Variants in GPC5 observed in about 807,000 individuals in gnomAD.
GPC5 encodes the protein glypican 5.
In GPC5, 47 loss-of-function variants were observed where a neutral mutation model predicts 53.9. The ratio of observed to expected loss-of-function variants is 0.87; its 90% CI spans 0.69 to 1.11. GPC5 has a LOEUF of 1.11. GPC5 is among the 50% of genes most tolerant of loss of function. GPC5 has a pLI of 0.00. For synonymous variants in GPC5, 286 were observed against 263.3 expected (o/e 1.09, Z -0.84); for missense variants, 748 against 713.1 (o/e 1.05, Z -0.56).
intron 7 of GPC5, among the ~76,000 whole-genome samples, chr13:92,250,160 C>CA (rs202164476): frequency 2.8e-4 from 42 of 150,580 alleles, no homozygotes; most frequent in South Asian, 1.7e-3. Context: ...CATGCTCAGC[C>CA]AAAAAAAAAT....
At chr13:91,489,849 G>A (rs1208602463) in intron 2 of GPC5, among the ~76,000 whole-genome samples, 1 of 152,122 alleles carries the variant, frequency 6.6e-6, no homozygotes, top group Non-Finnish European at 1.5e-5. Flanking sequence ...TTGTCTCAGA[G>A]TAGGGAAATA....
chr13:91,849,049 C>T (rs2038883670), intron 5 of GPC5, among the ~76,000 whole-genome samples: 1 of 152,142 alleles, frequency 6.6e-6, no homozygotes, highest in African/African-American at 2.4e-5. Flanking sequence ...TTAGTTTTGG[C>T]TTATTGAAAG....
chr13:91,850,785 T>G (rs2038904372), intron 5 of GPC5, among the ~76,000 whole-genome samples: 1 of 136,556 alleles, frequency 7.3e-6, no homozygotes, highest in Non-Finnish European at 1.6e-5. Context: ...GATTGTTGTA[T>G]TTTAGATTCC....
At chr13:92,454,273 CTTGTCT>C (rs1878179343) in intron 7 of GPC5, among the ~76,000 whole-genome samples, 2 of 152,194 alleles carry the variant, frequency 1.3e-5, no homozygotes, top group Admixed American at 1.3e-4. Flanking sequence ...ATAAATGTGA[CTTGTCT>C]TTATCAAAAA....
chr13:92,166,874 G>A (rs1369893778), intron 7 of GPC5, among the ~76,000 whole-genome samples: 2 of 150,348 alleles, frequency 1.3e-5, no homozygotes, highest in Non-Finnish European at 3.0e-5. Context: ...TGGTTCTGTT[G>A]GGAATATTGC....
At chr13:92,296,837 C>T (rs192184372) in intron 7 of GPC5, among the ~76,000 whole-genome samples, 3,881 of 152,306 alleles carry the variant, frequency 0.025, 77 homozygotes, top group Middle Eastern at 0.085. Flanking sequence ...TGTATTGGGT[C>T]CCCCAGCAGT....
chr13:91,842,704 C>CAAAAAA (rs58660493), intron 5 of GPC5, among the ~76,000 whole-genome samples: 1 of 58,838 alleles, frequency 1.7e-5, no homozygotes, highest in Non-Finnish European at 2.9e-5. Context: ...GACTCCGTCT[C>CAAAAAA]AAAAAAAAAA....
chr13:92,714,893 C>T (rs958431327), intron 7 of GPC5, among the ~76,000 whole-genome samples: 5 of 152,060 alleles, frequency 3.3e-5, no homozygotes, highest in African/African-American at 4.8e-5. Flanking sequence ...TGATGAAACC[C>T]AGTCTCTATT....
intron 6 of GPC5, among the ~76,000 whole-genome samples, chr13:92,131,607 T>C (rs1307628204): frequency 6.6e-6 from 1 of 152,050 alleles, no homozygotes; most frequent in African/African-American, 2.4e-5. Context: ...ACTATTTTTA[T>C]GAAGCTCATT....
chr13:92,864,127 A>G (rs954381490), intron 7 of GPC5, among the ~76,000 whole-genome samples: 1 of 152,182 alleles, frequency 6.6e-6, no homozygotes, highest in Non-Finnish European at 1.5e-5. Flanking sequence ...AATTTTTGGC[A>G]TGCTAATGTC....
At chr13:92,826,878 A>AG (rs1170778878) in intron 7 of GPC5, among the ~76,000 whole-genome samples, 1 of 152,048 alleles carries the variant, frequency 6.6e-6, no homozygotes, top group African/African-American at 2.4e-5. Context: ...CCCTTTAACA[A>AG]GGCTTATTGA....
intron 7 of GPC5, among the ~76,000 whole-genome samples, chr13:92,757,793 C>T (rs1024252352): frequency 1.3e-4 from 20 of 152,194 alleles, no homozygotes; most frequent in Non-Finnish European, 1.8e-4. Context: ...TACCATCTCA[C>T]ACCAGTTAGA....
chr13:91,827,140 A>T (rs1242028460), intron 5 of GPC5, among the ~76,000 whole-genome samples: 2 of 152,014 alleles, frequency 1.3e-5, no homozygotes, highest in Non-Finnish European at 2.9e-5. Flanking sequence ...AATTACCCTG[A>T]TGTGATCATT....
At chr13:92,625,595 G>T (rs989178620) in intron 7 of GPC5, among the ~76,000 whole-genome samples, 4 of 152,170 alleles carry the variant, frequency 2.6e-5, no homozygotes, top group Non-Finnish European at 5.9e-5. Context: ...TGAGCCTTCT[G>T]CCAGCTTCCC....
chr13:91,500,795 C>A (rs886380283), intron 2 of GPC5, among the ~76,000 whole-genome samples: 5 of 152,162 alleles, frequency 3.3e-5, no homozygotes, highest in African/African-American at 1.2e-4. Context: ...TCATCTTGAA[C>A]TGTAGCTCCC....
In GPC5 at chr13:92,735,332, G is replaced by C. The variant is rs538357030; in HGVS notation, c.1562-130950G>C. On this transcript the variant is annotated intron_variant, in intron 7 of 7. Transcript: ENST00000377067. ...AACTGACTATATTTTCTTCCAGGAT[G>C]GCACTTTTTTATTGAAGTCATGCAT... Among the ~76,000 whole-genome samples, 5 of 151,984 alleles carry C rather than the reference G, an allele frequency of 3.3e-5. No individual in the cohort carries two copies. In the South Asian group the frequency reaches 1.0e-3, roughly 31 times the overall value.
rs1205569767 is a variant in GPC5, at chr13:91,647,176, AG to A, written c.326-46008del. Among the ~76,000 whole-genome samples the A allele has an allele frequency of 2.4e-4, 36 of 150,998 alleles. 2 individuals carry two copies. In the Middle Eastern group the frequency reaches 0.027, roughly 114 times the overall value. On this transcript the variant is annotated intron_variant, in intron 2 of 7. Coordinates refer to ENST00000377067, the MANE Select transcript of GPC5 (RefSeq NM_004466.6). ...AGGGCTTACCCTGTTTTTTTTGTGC[AG>A]GGTATACATGTGGCAAACATTAATA...
chr13:92,295,802 G>C (rs113518793), intron 7 of GPC5, among the ~76,000 whole-genome samples: 2 of 152,156 alleles, frequency 1.3e-5, no homozygotes, highest in Non-Finnish European at 2.9e-5. Context: ...GTGTCCATTT[G>C]CCTGAAATGT....
intron 7 of GPC5, among the ~76,000 whole-genome samples, chr13:92,236,353 T>A (rs1439360913): frequency 6.6e-6 from 1 of 152,100 alleles, no homozygotes; most frequent in African/African-American, 2.4e-5. Context: ...GCTAATGCAA[T>A]ATCATATCAT....
Sources: allele counts gnomAD v4.1 joint callset (sites outside exome capture counted in the v4.1 genomes callset), GRCh38; gene constraint gnomAD v4.1.1; transcripts MANE v1.5; gene names NCBI Gene and HGNC (gene_info 2026-07-23, HGNC 2026-07-21).